CILP: variants seen among roughly 807,000 people sequenced by gnomAD.
CILP encodes cartilage intermediate layer protein.
Under a neutral mutation model 82.5 loss-of-function variants are expected in CILP, and 75 were observed. The ratio of observed to expected loss-of-function variants is 0.91; its 90% CI spans 0.75 to 1.10. The LOEUF (loss-of-function observed/expected upper bound fraction) is 1.10, where lower values mean the gene tolerates loss of function less well. Ranked by LOEUF, CILP falls within the 50% of genes least tolerant of loss-of-function variation. The probability of loss-of-function intolerance (pLI) is 0.00; values close to 1 mark genes in which losing one functional copy is unlikely to be tolerated. For synonymous variants in CILP, 530 were observed against 580.3 expected, an observed-to-expected ratio of 0.91 and a Z score of 1.25; for missense variants, 1,479 against 1,530.8, an observed-to-expected ratio of 0.97 and a Z score of 0.56.
At position 65,207,709 on chromosome 15, in the gene CILP, GTTC is replaced by G; in HGVS notation, c.114_116del (p.Lys38del). The stretch of plus-strand genomic sequence containing the variant: ...CGGCAGGCTTGGCAAAGATGCTGGG[GTTC>G]TTCTTCCCAGGCTGGACTCTTCTTA... On this transcript the variant is annotated inframe_deletion, in exon 3 of 9. Coordinates refer to ENST00000261883, the MANE Select transcript of CILP (RefSeq NM_003613.4). 3.7e-6 allele frequency: 6 copies of G among 1,614,146 alleles called. No individual in the cohort carries two copies. The highest frequency in any genetic ancestry group is 5.1e-6 in the Non-Finnish European group (6 of 1,180,014).
intron 8 of CILP, 70 bp from the exon 9 acceptor site, chr15:65,199,169 C>A (rs1038846166): frequency 8.4e-6 from 9 of 1,071,420 alleles, no homozygotes; most frequent in African/African-American, 7.9e-5. Context: ...CTCAACCTCA[C>A]CTCTCTACAG....
At chr15:65,207,136 C>T (rs550365097) in intron 3 of CILP, 85 bp from the exon 4 acceptor site, 31 of 1,465,240 alleles carry the variant, frequency 2.1e-5, no homozygotes, top group African/African-American at 4.1e-5. Context: ...CCCAGCTGGC[C>T]TCAGGCCCTA....
At chr15:65,208,302 A>C (rs1461163273) in intron 2 of CILP, among the ~76,000 whole-genome samples, 1 of 152,314 alleles carries the variant, frequency 6.6e-6, no homozygotes, top group East Asian at 1.9e-4. Flanking sequence ...TGGGCTCCTG[A>C]GACTCTGCCA....
chr15:65,203,645 T>C (rs1454543570), intron 6 of CILP, among the ~76,000 whole-genome samples, 175 bp from the exon 7 acceptor site: 1 of 152,142 alleles, frequency 6.6e-6, no homozygotes, highest in Non-Finnish European at 1.5e-5. Flanking sequence ...AGTCTATCCT[T>C]CCACACCCCC....
Position 65,196,783 on chromosome 15 carries a change from A to G in CILP, c.3503T>C (p.Val1168Ala), listed in dbSNP as rs747702148. ...ASRGGQRQGG[V>A]VASLRFPRVA... ...TCTAGGAAATCTCAGAGAGGCCACC[A>G]CTCCACCCTGGCGCTGGCCACCCCT... The change falls in exon 9 of 9, where the codon GTG becomes GCG. Residue 1168 changes from valine to alanine, a missense_variant. Val to Ala is a moderately conservative substitution (Grantham distance 64). Transcript: ENST00000261883. The G allele has an allele frequency of 1.4e-5, 23 of 1,589,098 alleles. No homozygotes were observed. In the East Asian group the frequency reaches 4.9e-4, roughly 34 times the overall value.
In CILP at chr15:65,200,052, G is replaced by A. The variant is rs550779647; in HGVS notation, c.1187-953C>T. ...TCTGTATCCATCAGCACTTGTAGCG[G>A]TCATGTTTATGGTGACCCTGGATTT... On this transcript the variant is annotated intron_variant, in intron 8 of 8. Coordinates refer to ENST00000261883, the MANE Select transcript of CILP (RefSeq NM_003613.4). Among the ~76,000 whole-genome samples the A allele has an allele frequency of 8.1e-4, 123 of 152,256 alleles. 1 individual carries two copies. Among genetic ancestry groups the A allele is most frequent in the African/African-American group, 2.8e-3 (117 of 41,544 alleles).
rs2088409126 is a variant in CILP, at chr15:65,198,535, G to T, written c.1751C>A (p.Thr584Asn). The T allele has an allele frequency of 1.9e-6, 3 of 1,614,106 alleles. No homozygotes were observed. Among genetic ancestry groups the T allele is most frequent in the Non-Finnish European group, 2.5e-6 (3 of 1,180,042 alleles). ...KKPITLEAME[T>N]NIIPLGEVVG... Reference sequence around the variant, plus strand: ...CACTTCCCCCAGGGGGATGATGTTGGTCTCCATGGCTTCCAAAGTGATGGG... The same window carrying T: ...CACTTCCCCCAGGGGGATGATGTTGTTCTCCATGGCTTCCAAAGTGATGGG... Residue 584 changes from threonine to asparagine, a missense_variant, in exon 9 of 9, where the codon ACC (threonine) becomes AAC (asparagine). Physicochemically the swap from Thr to Asn is moderately conservative, Grantham distance 65. Coordinates refer to ENST00000261883, the MANE Select transcript of CILP (RefSeq NM_003613.4).
chr15:65,197,334 C>T lies in CILP; in HGVS notation c.2952G>A (p.Leu984=). The change falls in exon 9 of 9, where the codon CTG becomes CTA. Residue 984 remains leucine, a synonymous_variant. Coordinates refer to ENST00000261883, the MANE Select transcript of CILP (RefSeq NM_003613.4). ...TGCTCCTCACATCTCGGATTCCATACAGCTTCCCCACTGTCTGCCGATGAG... is the reference window on the plus strand; with the variant it reads ...TGCTCCTCACATCTCGGATTCCATATAGCTTCCCCACTGTCTGCCGATGAG... The part of the protein sequence containing the change: ...GGTHRQTVGK[L]YGIRDVRSTR... The T allele has an allele frequency of 6.2e-7, 1 of 1,614,180 alleles. No individual in the cohort carries two copies. The highest frequency in any genetic ancestry group is 8.5e-7 in the Non-Finnish European group (1 of 1,180,032).
In CILP at chr15:65,209,687, G is replaced by T; in HGVS notation, c.61+8C>A. The T allele has an allele frequency of 1.2e-6, 2 of 1,613,834 alleles. No individual in the cohort carries two copies. Among genetic ancestry groups the T allele is most frequent in the Non-Finnish European group, 1.7e-6 (2 of 1,179,790 alleles). Reference sequence around the variant, plus strand: ...AGATTTGGGAGCCAGCAGATACTTAGCCTATACCCAACACAGATGTGACTT... The same window carrying T: ...AGATTTGGGAGCCAGCAGATACTTATCCTATACCCAACACAGATGTGACTT... On this transcript the variant is annotated splice_region_variant and intron_variant, in intron 2 of 8. Transcript: ENST00000261883.
chr15:65,203,514 G>A (rs2088484424), intron 6 of CILP, 44 bp from the exon 7 acceptor site: 1 of 1,425,312 alleles, frequency 7.0e-7, no homozygotes, highest in South Asian at 1.2e-5. Flanking sequence ...TTTTGTGTGT[G>A]TGTGTGACAG....
chr15:65,201,237 G>A (rs779091788), intron 8 of CILP, among the ~76,000 whole-genome samples: 21 of 152,182 alleles, frequency 1.4e-4, no homozygotes, highest in Non-Finnish European at 2.8e-4. Context: ...CCAAACCTGA[G>A]GTGATCCATC....
rs1198242156 is a variant in CILP at position 65,194,967 on chromosome 15, T to A, written c.*1764A>T. 1 of 150,132 alleles carries A rather than the reference T, an allele frequency of 6.7e-6. No homozygotes were observed. Among genetic ancestry groups the A allele is most frequent in the Non-Finnish European group, 1.5e-5 (1 of 67,874 alleles). 9.3% of individuals were successfully genotyped at this position (150,132 alleles called of 1,614,324 possible). On this transcript the variant is annotated 3_prime_UTR_variant, in exon 9 of 9. Coordinates refer to ENST00000261883, the MANE Select transcript of CILP (RefSeq NM_003613.4). Reference sequence around the variant, plus strand: ...GTGGCTGGGGCGATGGTGCTGCAGATAGCTGTGCACTCACAACAGGGGCAG... The same window carrying A: ...GTGGCTGGGGCGATGGTGCTGCAGAAAGCTGTGCACTCACAACAGGGGCAG...
chr15:65,205,137 C>G, intron 5 of CILP, 150 bp downstream of exon 5: 1 of 731,676 alleles, frequency 1.4e-6, no homozygotes, highest in South Asian at 2.0e-5. Context: ...CTGTATATCT[C>G]TCATTAGGGC....
rs148449804 is a variant in CILP at position 65,196,740 on chromosome 15, C to G, written c.3546G>C (p.Leu1182=). The G allele has an allele frequency of 1.3e-6, 2 of 1,533,854 alleles. No homozygotes were observed. The highest frequency in any genetic ancestry group is 2.7e-5 in the African/African-American group (2 of 72,834). Residue 1182 remains leucine (L), a synonymous_variant, in exon 9 of 9, where the codon CTG becomes CTC. Transcript: ENST00000261883. The part of the protein sequence containing the change: ...LRFPRVAQQP[L]IN The stretch of plus-strand genomic sequence containing the variant: ...TGAAGTACCACAAAACTTAGTTGAT[C>G]AGGGGCTGTTGAGCAACTCTAGGAA...
chr15:65,204,857 A>G (rs959781034), intron 5 of CILP, among the ~76,000 whole-genome samples: 2 of 152,102 alleles, frequency 1.3e-5, no homozygotes, highest in African/African-American at 4.8e-5. Context: ...TGTCTCTACA[A>G]AAAATACAAA....
intron 5 of CILP, 109 bp downstream of exon 5, chr15:65,205,178 A>G: frequency 1.9e-6 from 2 of 1,026,532 alleles, no homozygotes; most frequent in Non-Finnish European, 2.9e-6. Flanking sequence ...ATACGTGGTG[A>G]GTAAGTAAAT....
Position 65,209,764 on chromosome 15 carries a change from C to G in CILP, c.-9G>C. 1 of 1,614,058 alleles carries G rather than the reference C, an allele frequency of 6.2e-7. No individual in the cohort carries two copies. Among genetic ancestry groups the G allele is most frequent in the Non-Finnish European group, 8.5e-7 (1 of 1,179,974 alleles). ...GCCTTGGTCCCCACCATCTTTCCCC[C>G]AAGCCCGTGGGAACGTGGCAAGAGG... On this transcript the variant is annotated 5_prime_UTR_variant, in exon 2 of 9. Transcript: ENST00000261883.
Position 65,196,662 on chromosome 15 carries a change from G to A in CILP, c.*69C>T. 1.5e-6 allele frequency: 2 copies of A among 1,326,380 alleles called. No homozygotes were observed. The highest frequency in any genetic ancestry group is 1.0e-6 in the Non-Finnish European group (1 of 971,678). 82.2% of individuals were successfully genotyped at this position (1,326,380 alleles called of 1,614,324 possible). A position where few individuals can be genotyped will look rare whatever the true frequency, so the allele number is the denominator to read the frequency against. On this transcript the variant is annotated 3_prime_UTR_variant, in exon 9 of 9. Coordinates refer to ENST00000261883, the MANE Select transcript of CILP (RefSeq NM_003613.4). Reference sequence around the variant, plus strand: ...AAGTGCTTAAATTAACCAAGTGACAGTTTGTGCATCAGTCTCACAATGGCT... The same window carrying A: ...AAGTGCTTAAATTAACCAAGTGACAATTTGTGCATCAGTCTCACAATGGCT...
At chr15:65,204,231 A>G in intron 6 of CILP, 37 bp downstream of exon 6, 1 of 1,568,998 alleles carries the variant, frequency 6.4e-7, no homozygotes, top group Non-Finnish European at 8.7e-7. Context: ...AAAAATCTGG[A>G]CCTTCTCACC....
Sources: allele counts gnomAD v4.1 joint callset (sites outside exome capture counted in the v4.1 genomes callset), GRCh38; gene constraint gnomAD v4.1.1; transcripts MANE v1.5; gene names NCBI Gene and HGNC (gene_info 2026-07-23, HGNC 2026-07-21).